The following AQR variants were observed in gnomAD, a reference collection of about 807,000 sequenced individuals.
The protein encoded by AQR is RNA helicase aquarius.
In AQR, 61 loss-of-function variants were observed where a neutral mutation model predicts 180.5. That is an observed-to-expected ratio of 0.34 (90% confidence interval 0.28 to 0.42). The LOEUF (loss-of-function observed/expected upper bound fraction) is 0.42. Among genes scored for constraint, AQR ranks in the 10% least tolerant of loss-of-function variants. The probability of loss-of-function intolerance (pLI) is 1.00; values close to 1 mark genes in which losing one functional copy is unlikely to be tolerated. For synonymous variants in AQR, 551 were observed against 588.8 expected, an observed-to-expected ratio of 0.94 and a Z score of 0.93; for missense variants, 1,281 against 1,798.3, an observed-to-expected ratio of 0.71 and a Z score of 5.20.
At chr15:34,920,638 T>G (rs1893669186) in intron 13 of AQR, among the ~76,000 whole-genome samples, 1 of 152,136 alleles carries the variant, frequency 6.6e-6, no homozygotes, top group Non-Finnish European at 1.5e-5. Flanking sequence ...CCAAGATCCT[T>G]CTGGGCAGTC....
In AQR at chr15:34,949,218, T is replaced by C. The variant is rs1219580350; in HGVS notation, c.210-834A>G. Among the ~76,000 whole-genome samples the C allele has an allele frequency of 2.6e-5, 4 of 151,586 alleles. No individual in the cohort carries two copies. In the East Asian group the frequency reaches 6.0e-4, roughly 23 times the overall value. On this transcript the variant is annotated intron_variant, in intron 4 of 34. Coordinates refer to ENST00000156471, the MANE Select transcript of AQR (RefSeq NM_014691.3). ...CATGTTGGTCAGGCTGGTCTTGAAC[T>C]CCCAACCTCAGGATCGATCCACCCA... is the stretch of plus-strand genomic sequence containing the variant.
At chr15:34,893,028 A>G (rs1893174066) in intron 23 of AQR, among the ~76,000 whole-genome samples, 1 of 152,192 alleles carries the variant, frequency 6.6e-6, no homozygotes, top group Non-Finnish European at 1.5e-5. Context: ...ATTTTCATAC[A>G]AGGATAAATC....
At chr15:34,936,502 G>A (rs1299896653) in intron 9 of AQR, among the ~76,000 whole-genome samples, 1 of 152,140 alleles carries the variant, frequency 6.6e-6, no homozygotes, top group East Asian at 1.9e-4. Flanking sequence ...GATCACTTGA[G>A]GTCAGGAGTT....
chr15:34,926,571 C>T (rs553130551), intron 13 of AQR, among the ~76,000 whole-genome samples: 1 of 152,278 alleles, frequency 6.6e-6, no homozygotes, highest in African/African-American at 2.4e-5. Flanking sequence ...AACAGAACGT[C>T]TATCACATAG....
At chr15:34,910,911 A>G (rs1893490325) in intron 16 of AQR, among the ~76,000 whole-genome samples, 1 of 152,174 alleles carries the variant, frequency 6.6e-6, no homozygotes, top group Non-Finnish European at 1.5e-5. Flanking sequence ...TGTAACTGAA[A>G]GTTTAGACCC....
chr15:34,862,828 G>C, intron 33 of AQR, 39 bp downstream of exon 33: 1 of 1,603,444 alleles, frequency 6.2e-7, no homozygotes, highest in East Asian at 2.2e-5. Context: ...TTTCCACTCT[G>C]AGGAATGCTG....
At chr15:34,920,592 G>T (rs1053090152) in intron 13 of AQR, among the ~76,000 whole-genome samples, 158 bp from the exon 14 acceptor site, 1 of 152,162 alleles carries the variant, frequency 6.6e-6, no homozygotes, top group Admixed American at 6.5e-5. Context: ...TTAGTGCAGG[G>T]TTCTCAAAAT....
Position 34,963,695 on chromosome 15 carries a change from G to T in AQR, c.132+539C>A, listed in dbSNP as rs569410579. Among the ~76,000 whole-genome samples the T allele has an allele frequency of 4.0e-4, 58 of 144,862 alleles. 3 individuals carry two copies. Among genetic ancestry groups the T allele is most frequent in the African/African-American group, 1.6e-3 (56 of 35,514 alleles). On this transcript the variant is annotated intron_variant, in intron 2 of 34. Transcript: ENST00000156471. ...TTTCTTTTTTTTGAGATGGAGTCTC[G>T]CTCTGTCATCCAGGCTGGAGTGCAG...
intron 27 of AQR, among the ~76,000 whole-genome samples, chr15:34,877,381 A>G (rs1182684588): frequency 1.3e-5 from 2 of 152,074 alleles, no homozygotes; most frequent in East Asian, 1.9e-4. Flanking sequence ...GGGAGAGCAT[A>G]TTTACTCTGA....
intron 19 of AQR, among the ~76,000 whole-genome samples, chr15:34,903,916 C>T (rs1893372698): frequency 6.6e-6 from 1 of 151,978 alleles, no homozygotes; most frequent in Admixed American, 6.6e-5. Flanking sequence ...AATTCAGAGC[C>T]TTGAGATTCC....
chr15:34,948,839 G>A (rs1348135761), intron 4 of AQR, among the ~76,000 whole-genome samples: 1 of 150,684 alleles, frequency 6.6e-6, no homozygotes, highest in Non-Finnish European at 1.5e-5. Flanking sequence ...AAATTTACCT[G>A]CAGTCTAGGT....
At chr15:34,918,940 T>C (rs1306823862) in intron 14 of AQR, among the ~76,000 whole-genome samples, 1 of 152,164 alleles carries the variant, frequency 6.6e-6, no homozygotes, top group East Asian at 1.9e-4. Context: ...CTATCTCAAA[T>C]ATGAAAATAA....
intron 4 of AQR, 134 bp downstream of exon 4, chr15:34,952,751 A>G (rs1894252247): frequency 1.5e-6 from 1 of 666,946 alleles, no homozygotes; most frequent in Non-Finnish European, 2.6e-6. Context: ...ACATATTCCA[A>G]AATAAGCCAA....
intron 18 of AQR, 69 bp from the exon 19 acceptor site, chr15:34,904,574 T>C (rs1893383204): frequency 4.2e-6 from 6 of 1,426,926 alleles, no homozygotes; most frequent in Non-Finnish European, 5.7e-6. Context: ...GTTAACAGTA[T>C]TTCTTTTCTA....
intron 3 of AQR, among the ~76,000 whole-genome samples, chr15:34,955,314 T>C (rs1220960670): frequency 1.3e-5 from 2 of 152,184 alleles, no homozygotes; most frequent in Admixed American, 1.3e-4. Flanking sequence ...GAATAATTTA[T>C]GTATGATAAA....
chr15:34,930,969 T>C (rs906192292), intron 11 of AQR, among the ~76,000 whole-genome samples: 3 of 151,978 alleles, frequency 2.0e-5, no homozygotes, highest in Non-Finnish European at 4.4e-5. Context: ...CCGGAGTAGC[T>C]GGGACTACAG....
At chr15:34,907,029 T>A (rs1893429071) in intron 17 of AQR, among the ~76,000 whole-genome samples, 1 of 152,230 alleles carries the variant, frequency 6.6e-6, no homozygotes, top group Non-Finnish European at 1.5e-5. Flanking sequence ...TTCTTATTTT[T>A]AACAATCTTA....
chr15:34,927,701 G>C (rs1164208124), intron 12 of AQR, among the ~76,000 whole-genome samples: 1 of 152,220 alleles, frequency 6.6e-6, no homozygotes, highest in Non-Finnish European at 1.5e-5. Context: ...TTTAACAACA[G>C]AGTGATTGAA....
At chr15:34,914,563 C>T (rs1308592681) in intron 16 of AQR, among the ~76,000 whole-genome samples, 1 of 152,118 alleles carries the variant, frequency 6.6e-6, no homozygotes, top group East Asian at 1.9e-4. Context: ...CAGCAACAGC[C>T]CTAATCCTCT....
Sources: allele counts gnomAD v4.1 joint callset (sites outside exome capture counted in the v4.1 genomes callset), GRCh38; gene constraint gnomAD v4.1.1; transcripts MANE v1.5; gene names NCBI Gene and HGNC (gene_info 2026-07-23, HGNC 2026-07-21).